Variants in PYGL observed in about 807,000 individuals in gnomAD.
The protein encoded by PYGL is glycogen phosphorylase L.
Under a neutral mutation model 100.1 loss-of-function variants are expected in PYGL, and 90 were observed. That is an observed-to-expected ratio of 0.90 (90% CI 0.76 to 1.07). The LOEUF (loss-of-function observed/expected upper bound fraction) is 1.07. Ranked by LOEUF, PYGL falls within the 50% of genes least tolerant of loss-of-function variation. The pLI is 0.00. For missense variants in PYGL, 1,016 were observed against 1,057.6 expected (o/e 0.96, Z 0.55); for synonymous variants, 373 against 393.0 (o/e 0.95, Z 0.60).
intron 5 of PYGL, chr14:50,923,140 C>T (rs1596041994): frequency 6.6e-6 from 1 of 152,278 alleles, no homozygotes; most frequent in Non-Finnish European, 1.5e-5. Context: ...CAGAAACACA[C>T]ACTCTCTCTA....
At chr14:50,935,454 T>C (rs1268790596) in intron 2 of PYGL, among the ~76,000 whole-genome samples, 1 of 152,242 alleles carries the variant, frequency 6.6e-6, no homozygotes, top group Non-Finnish European at 1.5e-5. Flanking sequence ...GGCAAGCTAC[T>C]AACTCTATGC....
chr14:50,906,316 A>T (rs1467561240), intron 19 of PYGL, among the ~76,000 whole-genome samples: 1 of 152,230 alleles, frequency 6.6e-6, no homozygotes, highest in Non-Finnish European at 1.5e-5. Flanking sequence ...GAAAGACTAA[A>T]ACTACCATCA....
intron 4 of PYGL, among the ~76,000 whole-genome samples, chr14:50,930,860 A>C (rs1344166508): frequency 6.6e-6 from 1 of 152,148 alleles, no homozygotes; most frequent in African/African-American, 2.4e-5. Context: ...AGGAAGCCTA[A>C]ATCACACTTA....
chr14:50,925,816 G>A (rs1405649311), intron 4 of PYGL, among the ~76,000 whole-genome samples: 5 of 152,194 alleles, frequency 3.3e-5, no homozygotes, highest in Non-Finnish European at 7.3e-5. Context: ...GAGAGCCACT[G>A]GAGGAAGGAG....
chr14:50,943,518 T>C (rs1405489182), intron 1 of PYGL, among the ~76,000 whole-genome samples: 1 of 152,172 alleles, frequency 6.6e-6, no homozygotes, highest in African/African-American at 2.4e-5. Flanking sequence ...GTCCAGGGCA[T>C]TGCCTGGCCC....
At chr14:50,917,990 GA>G (rs955188603) in intron 7 of PYGL, among the ~76,000 whole-genome samples, 5 of 149,898 alleles carry the variant, frequency 3.3e-5, no homozygotes, top group East Asian at 2.0e-4. Flanking sequence ...AAATCAGCAA[GA>G]AAAAAAAATC....
At chr14:50,914,595 T>C in intron 12 of PYGL, 106 bp downstream of exon 12, 1 of 895,596 alleles carries the variant, frequency 1.1e-6, no homozygotes, top group Admixed American at 2.0e-5. Flanking sequence ...AACCACATGC[T>C]GAGGAAGCCA....
chr14:50,934,323 C>G (rs1215414824), intron 3 of PYGL, among the ~76,000 whole-genome samples: 1 of 152,132 alleles, frequency 6.6e-6, no homozygotes, highest in African/African-American at 2.4e-5. Context: ...GGGGTCATGC[C>G]TCTGACCTGG....
intron 4 of PYGL, among the ~76,000 whole-genome samples, chr14:50,930,343 C>T (rs1421516671): frequency 6.6e-6 from 1 of 152,144 alleles, no homozygotes; most frequent in Non-Finnish European, 1.5e-5. Context: ...AGTTTGGTAA[C>T]CTAGTTGAGA....
chr14:50,916,699 G>T lies in PYGL; in HGVS notation c.1035C>A (p.Leu345=), dbSNP rs139544303. 3.1e-6 allele frequency: 5 copies of T among 1,614,034 alleles called. No homozygotes were observed. The highest frequency in any genetic ancestry group is 1.7e-5 in the Admixed American group (1 of 60,010). Residue 345 remains leucine, a synonymous_variant, in exon 9 of 20, where the codon CTC becomes CTA. Coordinates refer to ENST00000216392, the MANE Select transcript of PYGL (RefSeq NM_002863.5). Reference sequence around the variant, plus strand: ...AAATCCTCATCAGCTCAGGGATCGCGAGTGCAGGGTGAGTGTCATTCAGCT... The same window carrying T: ...AAATCCTCATCAGCTCAGGGATCGCTAGTGCAGGGTGAGTGTCATTCAGCT... ...AIQLNDTHPA[L]AIPELMRIFV... is the part of the protein sequence containing the mutation.
intron 14 of PYGL, 52 bp downstream of exon 14, chr14:50,912,104 A>T (rs1338293994): frequency 1.9e-6 from 3 of 1,613,616 alleles, no homozygotes; most frequent in Non-Finnish European, 2.5e-6. Flanking sequence ...ACCTATGCTG[A>T]GTCTGCTGCT....
chr14:50,921,062 G>C lies in PYGL; in HGVS notation c.666C>G (p.Val222=), dbSNP rs2050496275. 1 of 1,611,486 alleles carries C rather than the reference G, an allele frequency of 6.2e-7. No individual in the cohort carries two copies. Residue 222 remains valine, a synonymous_variant, in exon 6 of 20, where the codon GTC becomes GTG. Coordinates refer to ENST00000216392, the MANE Select transcript of PYGL (RefSeq NM_002863.5). The stretch of plus-strand genomic sequence containing the variant: ...CGGGGGTGTCATATGGCAGAGCCAG[G>C]ACCACCTGTGGGATTAAACAGAAGC... ...TGTKWIDTQV[V]LALPYDTPVP...
chr14:50,905,577 T>TA, intron 19 of PYGL, 21 bp from the exon 20 acceptor site: 1 of 1,613,164 alleles, frequency 6.2e-7, no homozygotes, highest in Non-Finnish European at 8.5e-7. Flanking sequence ...CATATGCATA[T>TA]ACAGCCCAGA....
intron 4 of PYGL, among the ~76,000 whole-genome samples, chr14:50,925,293 CT>C (rs1383299570): frequency 2.6e-5 from 4 of 152,182 alleles, no homozygotes; most frequent in Admixed American, 2.0e-4. Context: ...CCATTACCAT[CT>C]TATGGGACCA....
In PYGL at chr14:50,913,100, TC is replaced by T. The variant is rs2050414899; in HGVS notation, c.1548del (p.Ser517AlafsTer3). The T allele has an allele frequency of 6.2e-7, 1 of 1,613,868 alleles. No individual in the cohort carries two copies. The highest frequency in any genetic ancestry group is 8.5e-7 in the Non-Finnish European group (1 of 1,179,890). On this transcript the variant is annotated frameshift_variant, in exon 13 of 20. Transcript: ENST00000216392. LOFTEE classifies it high-confidence loss of function. ...EKIGEDYVKD[L>X]SQLTKLHSFL... ...AAGCTGTGGAGCTTCGTCAGCTGGC[TC>T]AGGTCTTTCACATAGTCTTCTCCAA... is the stretch of plus-strand genomic sequence containing the variant.
At chr14:50,918,893 A>C (rs1247656585) in intron 7 of PYGL, among the ~76,000 whole-genome samples, 2 of 152,238 alleles carry the variant, frequency 1.3e-5, no homozygotes, top group Non-Finnish European at 2.9e-5. Context: ...AGGTCTGCAT[A>C]TAGAATATCT....
At chr14:50,918,213 A>G (rs1217298726) in intron 7 of PYGL, among the ~76,000 whole-genome samples, 3 of 146,100 alleles carry the variant, frequency 2.1e-5, no homozygotes, top group African/African-American at 7.3e-5. Context: ...TGAAAAGGGA[A>G]CACTTTTTAC....
Position 50,921,165 on chromosome 14 carries a change from G to T in PYGL, c.661-98C>A, listed in dbSNP as rs183354085. ...AGACTGCAATGGAATTCTATTCCTGGCTCCATTACCAACTTAAATTGTGTG... is the reference window on the plus strand; with the variant it reads ...AGACTGCAATGGAATTCTATTCCTGTCTCCATTACCAACTTAAATTGTGTG... On this transcript the variant is annotated intron_variant, in intron 5 of 19. Transcript: ENST00000216392. 2,718 of 941,206 alleles carry T rather than the reference G, an allele frequency of 2.9e-3. 17 individuals are homozygous for T. Among genetic ancestry groups the T allele is most frequent in the Middle Eastern group, 6.6e-3 (25 of 3,770 alleles). 58.3% of individuals were successfully genotyped at this position (941,206 alleles called of 1,614,324 possible).
chr14:50,929,532 A>C (rs970417960), intron 4 of PYGL, among the ~76,000 whole-genome samples: 1 of 152,220 alleles, frequency 6.6e-6, no homozygotes, highest in African/African-American at 2.4e-5. Context: ...CATAAAACGT[A>C]AGGGGAAAAT....
Sources: gnomAD v4.1 joint callset for allele counts (sites outside exome capture counted in the v4.1 genomes callset) on GRCh38, gnomAD v4.1.1 for gene constraint, MANE v1.5 for transcripts, NCBI Gene and HGNC (gene_info 2026-07-23, HGNC 2026-07-21) for gene names.